MED12L: variants seen among roughly 807,000 people sequenced by gnomAD.
MED12L encodes the protein mediator complex subunit 12L.
Under a neutral mutation model 281.3 loss-of-function variants are expected in MED12L, and 60 were observed. That is an observed-to-expected ratio of 0.21 (90% CI 0.17 to 0.26). The LOEUF is 0.26. Ranked by LOEUF, MED12L falls within the 10% of genes least tolerant of loss-of-function variation. The pLI, the probability that MED12L is intolerant of heterozygous loss-of-function variation, is 1.00. For synonymous variants in MED12L, 974 were observed against 987.2 expected, an observed-to-expected ratio of 0.99 and a Z score of 0.25; for missense variants, 2,146 against 2,680.9, an observed-to-expected ratio of 0.80 and a Z score of 4.41.
intron 16 of MED12L, among the ~76,000 whole-genome samples, chr3:151,305,846 G>A (rs1335625567): frequency 1.3e-5 from 2 of 152,118 alleles, no homozygotes; most frequent in Non-Finnish European, 2.9e-5. Context: ...TATTTGGCCT[G>A]AACAATGTTG....
At chr3:151,342,371 T>A (rs13090236) in intron 16 of MED12L, among the ~76,000 whole-genome samples, 2,903 of 152,336 alleles carry the variant, frequency 0.019, 38 homozygotes, top group Middle Eastern at 0.037. Flanking sequence ...TTTTGGTTTT[T>A]TCTTCTGCGT....
At chr3:151,195,058 G>C (rs1724470994) in intron 16 of MED12L, among the ~76,000 whole-genome samples, 1 of 152,126 alleles carries the variant, frequency 6.6e-6, no homozygotes, top group Non-Finnish European at 1.5e-5. Context: ...AGCTTCTCAG[G>C]AGGCTGAGGC....
At chr3:151,183,720 A>C (rs997064112) in intron 11 of MED12L, among the ~76,000 whole-genome samples, 1 of 152,250 alleles carries the variant, frequency 6.6e-6, no homozygotes, top group African/African-American at 2.4e-5. Flanking sequence ...TCACATAGAT[A>C]TTAAATCTCA....
At chr3:151,417,486 C>CTTTTTTT in intron 43 of MED12L, among the ~76,000 whole-genome samples, 1 of 56,156 alleles carries the variant, frequency 1.8e-5, no homozygotes, top group Non-Finnish European at 3.9e-5. Context: ...TCCCCCCCCG[C>CTTTTTTT]CTTTTTTTTT....
chr3:151,376,951 G>T, intron 29 of MED12L, 40 bp from the exon 30 acceptor site: 2 of 1,610,634 alleles, frequency 1.2e-6, no homozygotes, highest in Non-Finnish European at 1.7e-6. Context: ...GAGGATAAAG[G>T]AATACACATA....
chr3:151,115,805 C>T (rs201312180), intron 2 of MED12L, among the ~76,000 whole-genome samples: 2 of 151,456 alleles, frequency 1.3e-5, no homozygotes, highest in Admixed American at 1.3e-4. Context: ...CACCTGTAAT[C>T]CCAGTACTTT....
chr3:151,342,836 AAAT>A (rs1752042442), intron 16 of MED12L, among the ~76,000 whole-genome samples: 1 of 152,198 alleles, frequency 6.6e-6, no homozygotes, highest in Non-Finnish European at 1.5e-5. Flanking sequence ...TATGTACTTC[AAAT>A]AATAATTGTC....
chr3:151,288,723 T>C (rs1743868223), intron 16 of MED12L, among the ~76,000 whole-genome samples: 1 of 152,260 alleles, frequency 6.6e-6, no homozygotes. Context: ...AGTTCTGACA[T>C]GTATTTGAGT....
rs141726832 is a variant in MED12L, at chr3:151,267,094, G to C, written c.2250+73428G>C. Among the ~76,000 whole-genome samples the C allele has an allele frequency of 2.7e-3, 415 of 152,266 alleles. 6 individuals are homozygous for C. The highest frequency in any genetic ancestry group is 9.5e-3 in the African/African-American group (393 of 41,556). ...CAGCTCATTCTAGAGTTCATTTCTT[G>C]CGTGTTAGAACTCCTTACATTCTTG... On this transcript the variant is annotated intron_variant, in intron 16 of 44. Transcript: ENST00000687756.
At chr3:151,363,366 C>T (rs1385837299) in intron 21 of MED12L, among the ~76,000 whole-genome samples, 2 of 152,098 alleles carry the variant, frequency 1.3e-5, no homozygotes, top group African/African-American at 2.4e-5. Flanking sequence ...TTTATCTGAA[C>T]CACCATTCAT....
At chr3:151,268,597 TA>T (rs1177683832) in intron 16 of MED12L, among the ~76,000 whole-genome samples, 2 of 152,244 alleles carry the variant, frequency 1.3e-5, no homozygotes, top group East Asian at 3.8e-4. Flanking sequence ...AAATTTTGTC[TA>T]ATTTGTGAGT....
At position 151,232,539 on chromosome 3, in the gene MED12L, A is replaced by C. The variant is rs1299451754; in HGVS notation, c.2250+38873A>C. On this transcript the variant is annotated intron_variant, in intron 16 of 44. Coordinates refer to ENST00000687756, the MANE Select transcript of MED12L (RefSeq NM_001393769.1). ...ATAGCAAAGACATGGAATCAACTTAAATGTCCATCAGTGACAGATTGGATA... is the reference window on the plus strand; with the variant it reads ...ATAGCAAAGACATGGAATCAACTTACATGTCCATCAGTGACAGATTGGATA... 2.0e-5 allele frequency among the ~76,000 whole-genome samples: 3 copies of C among 152,220 alleles called. No individual in the cohort carries two copies. The South Asian group carries it at 6.2e-4, about 32-fold the overall frequency.
chr3:151,300,343 T>G, intron 16 of MED12L: 1 of 577,208 alleles, frequency 1.7e-6, no homozygotes, highest in South Asian at 2.1e-5. Flanking sequence ...CCACACAGAG[T>G]TGCCCTCTTT....
intron 16 of MED12L, among the ~76,000 whole-genome samples, chr3:151,221,055 C>G (rs1729242956): frequency 6.6e-6 from 1 of 152,128 alleles, no homozygotes; most frequent in Non-Finnish European, 1.5e-5. Flanking sequence ...AAATGAGGAA[C>G]TTGTTGGGAA....
intron 5 of MED12L, among the ~76,000 whole-genome samples, chr3:151,153,518 C>T (rs535643767): frequency 3.3e-5 from 5 of 151,972 alleles, no homozygotes; most frequent in Non-Finnish European, 7.4e-5. Context: ...ATTCCCCGCC[C>T]CTTCATCTTC....
At chr3:151,287,224 G>A (rs139590327) in intron 16 of MED12L, among the ~76,000 whole-genome samples, 607 of 152,324 alleles carry the variant, frequency 4.0e-3, no homozygotes, top group Middle Eastern at 6.8e-3. Context: ...TGCCATCAAT[G>A]TAAATCATGG....
At chr3:151,329,649 G>C (rs763663228) in intron 16 of MED12L, 12 of 585,128 alleles carry the variant, frequency 2.1e-5, no homozygotes, top group Admixed American at 3.4e-5. Flanking sequence ...AGACCTTTGG[G>C]ACATTTGCTA....
chr3:151,301,209 T>C (rs893176889), intron 16 of MED12L, among the ~76,000 whole-genome samples: 1 of 152,220 alleles, frequency 6.6e-6, no homozygotes, highest in Non-Finnish European at 1.5e-5. Context: ...ACTTTCTTTT[T>C]ATTTATTAAA....
At chr3:151,198,317 AT>A (rs2149131626) in intron 16 of MED12L, 1 of 856,680 alleles carries the variant, frequency 1.2e-6, no homozygotes, top group East Asian at 2.6e-5. Context: ...AGCTAACTGT[AT>A]TTTTTCATAC....
Sources: gnomAD v4.1 joint callset for allele counts (sites outside exome capture counted in the v4.1 genomes callset) on GRCh38, gnomAD v4.1.1 for gene constraint, MANE v1.5 for transcripts, NCBI Gene and HGNC (gene_info 2026-07-23, HGNC 2026-07-21) for gene names.